COQ6: variants seen among roughly 807,000 people sequenced by gnomAD.
COQ6 encodes coenzyme Q6, monooxygenase, also known as ubiquinone biosynthesis monooxygenase COQ6, mitochondrial.
A neutral mutation model predicts 55.5 loss-of-function variants in COQ6; 45 were observed. The ratio of observed to expected loss-of-function variants is 0.81; its 90% CI spans 0.64 to 1.04. The LOEUF is 1.04. Ranked by LOEUF, COQ6 falls within the 50% of genes least tolerant of loss-of-function variation. The probability of loss-of-function intolerance (pLI) is 0.00; values close to 1 mark genes in which losing one functional copy is unlikely to be tolerated. For missense variants in COQ6, 550 were observed against 601.3 expected (o/e 0.91, Z 0.89); for synonymous variants, 206 against 230.5 (o/e 0.89, Z 0.96).
Position 73,950,480 on chromosome 14 carries a change from ATGGCCTGTGCCT to A in COQ6, c.152_163del (p.Ala51_Leu54del). 1 of 1,608,646 alleles carries A rather than the reference ATGGCCTGTGCCT, an allele frequency of 6.2e-7. No homozygotes were observed. Among genetic ancestry groups the A allele is most frequent in the Non-Finnish European group, 8.5e-7 (1 of 1,178,294 alleles). On this transcript the variant is annotated inframe_deletion, in exon 1 of 12. Transcript: ENST00000334571. ...GGGTGGAGGCCTGGTGGGCGCTGCC[ATGGCCTGTGCCT>A]TGGGTAAGCCCTTCTCCAGGCTACT...
At chr14:73,953,617 G>A in intron 2 of COQ6, 48 bp downstream of exon 2, 1 of 1,611,484 alleles carries the variant, frequency 6.2e-7, no homozygotes, top group Non-Finnish European at 8.5e-7. Flanking sequence ...TTCCCACTTA[G>A]CTTTCTAGTG....
chr14:73,954,103 A>G (rs1044202208), intron 2 of COQ6, among the ~76,000 whole-genome samples: 49 of 151,942 alleles, frequency 3.2e-4, no homozygotes, highest in African/African-American at 1.1e-3. Flanking sequence ...TCCCTGCTCT[A>G]TTTTTCTTCA....
chr14:73,956,702 T>A (rs1248566253), intron 4 of COQ6: 1 of 152,206 alleles, frequency 6.6e-6, no homozygotes, highest in Non-Finnish European at 1.5e-5. Context: ...GTTTTTAAAT[T>A]GGATTATTTG....
At position 73,959,477 on chromosome 14, in the gene COQ6, T is replaced by C. The variant is rs757494527; in HGVS notation, c.846T>C (p.Val282=). 2 of 1,614,204 alleles carry C rather than the reference T, an allele frequency of 1.2e-6. No individual in the cohort carries two copies. The highest frequency in any genetic ancestry group is 4.5e-5 in the East Asian group (2 of 44,888). Residue 282 remains valine (V), a synonymous_variant, in exon 8 of 12, where the codon GTT becomes GTC. Coordinates refer to ENST00000334571, the MANE Select transcript of COQ6 (RefSeq NM_182476.3). The part of the protein sequence containing the change: ...STSHEHAAEL[V]SMDEEKFVDA... ...CCCATGAACATGCAGCAGAGCTAGT[T>C]AGCATGGATGAGGAAAAATTTGTGG...
rs1193248763 is a variant in COQ6 at position 73,955,827 on chromosome 14, C to T, written c.380C>T (p.Ala127Val). 6.2e-7 allele frequency: 1 copy of T among 1,613,970 alleles called. No individual in the cohort carries two copies. Among genetic ancestry groups the T allele is most frequent in the Admixed American group, 1.7e-5 (1 of 59,988 alleles). The change falls in exon 4 of 12, where the codon GCC becomes GTC. Residue 127 changes from alanine (A) to valine (V), a missense_variant. Physicochemically the swap from Ala to Val is moderately conservative, Grantham distance 64. Coordinates refer to ENST00000334571, the MANE Select transcript of COQ6 (RefSeq NM_182476.3). ...CAGGTGTGGGACGCCTGCTCAGAGG[C>T]CCTGATAATGTTTGATAAGGATAAT... ...RMQVWDACSE[A>V]LIMFDKDNLD...
At position 73,962,778 on chromosome 14, in the gene COQ6, C is replaced by G. The variant is rs528224818; in HGVS notation, c.1378-192C>G. 5 of 611,982 alleles carry G rather than the reference C, an allele frequency of 8.2e-6. No individual in the cohort carries two copies. The South Asian group carries it at 1.0e-4, about 12-fold the overall frequency. 37.9% of individuals were successfully genotyped at this position (611,982 alleles called of 1,614,324 possible). A position where few individuals can be genotyped will look rare whatever the true frequency, so the allele number is the denominator to read the frequency against. On this transcript the variant is annotated intron_variant, in intron 11 of 11. Coordinates refer to ENST00000334571, the MANE Select transcript of COQ6 (RefSeq NM_182476.3). ...GCTGCAGTGAGCTATGATCACACCACTGCACTCCAGCCCAGTCAACAGAGT... is the reference window on the plus strand; with the variant it reads ...GCTGCAGTGAGCTATGATCACACCAGTGCACTCCAGCCCAGTCAACAGAGT...
intron 4 of COQ6, among the ~76,000 whole-genome samples, chr14:73,957,422 C>T (rs1223562269): frequency 6.6e-6 from 1 of 152,144 alleles, no homozygotes; most frequent in African/African-American, 2.4e-5. Context: ...GTATGACTGA[C>T]TGACATACAA....
chr14:73,961,711 G>C, intron 10 of COQ6, 26 bp from the exon 11 acceptor site: 1 of 1,613,832 alleles, frequency 6.2e-7, no homozygotes, highest in Admixed American at 1.7e-5. Context: ...TTGGATTAGG[G>C]ATTTAATCTT....
intron 5 of COQ6, chr14:73,958,701 T>C: frequency 7.3e-7 from 1 of 1,364,886 alleles, no homozygotes; most frequent in Non-Finnish European, 9.5e-7. Flanking sequence ...ACTTTCCTTA[T>C]TGCTCTCTAG....
Position 73,963,162 on chromosome 14 carries a change from T to A in COQ6, c.*163T>A. On this transcript the variant is annotated 3_prime_UTR_variant, in exon 12 of 12. Transcript: ENST00000334571. ...GGGCCTGTGGCACCCAAATAATGAA[T>A]GATAATTTGCTGTGAGGAGCGTATA... 1 of 717,636 alleles carries A rather than the reference T, an allele frequency of 1.4e-6. No homozygotes were observed. Among genetic ancestry groups the A allele is most frequent in the Non-Finnish European group, 2.5e-6 (1 of 401,112 alleles). 44.5% of individuals were successfully genotyped at this position (717,636 alleles called of 1,614,324 possible).
At chr14:73,960,522 T>C in intron 8 of COQ6, 1 of 996,392 alleles carries the variant, frequency 1.0e-6, no homozygotes, top group Non-Finnish European at 1.2e-6. Context: ...AGATAAATGG[T>C]GAACACTACC....
upstream of COQ6, chr14:73,950,049 C>T: frequency 6.2e-7 from 1 of 1,610,908 alleles, no homozygotes; most frequent in East Asian, 2.2e-5. Flanking sequence ...GAGGCAGCAG[C>T]GACAGTGACA....
chr14:73,958,413 C>T, intron 5 of COQ6, 136 bp downstream of exon 5: 1 of 1,521,876 alleles, frequency 6.6e-7, no homozygotes, highest in Non-Finnish European at 8.8e-7. Context: ...AGTACCTATT[C>T]AGGCCAGCTC....
At chr14:73,954,800 C>T (rs186880592) in intron 2 of COQ6, among the ~76,000 whole-genome samples, 94 of 140,412 alleles carry the variant, frequency 6.7e-4, no homozygotes, top group African/African-American at 2.4e-3. Flanking sequence ...GCCGAGATCC[C>T]GCCACTGCAC....
rs774856856 is a variant in COQ6 at position 73,953,513 on chromosome 14, A to C, written c.242A>C (p.Glu81Ala). The C allele has an allele frequency of 6.2e-7, 1 of 1,614,220 alleles. No homozygotes were observed. Among genetic ancestry groups the C allele is most frequent in the South Asian group, 1.1e-5 (1 of 91,090 alleles). ...AAGAAAGTACTGGAGAAATTGTCAGAAACTTACAGCAACAGGGTCAGCTCC... is the reference window on the plus strand; with the variant it reads ...AAGAAAGTACTGGAGAAATTGTCAGCAACTTACAGCAACAGGGTCAGCTCC... ...GPKKVLEKLS[E>A]TYSNRVSSIS... The change falls in exon 2 of 12, where the codon GAA becomes GCA. Residue 81 changes from glutamate to alanine, a missense_variant. By Grantham distance (107) the Glu-to-Ala change is moderately radical. Transcript: ENST00000334571.
At position 73,954,952 on chromosome 14, in the gene COQ6, T is replaced by TA. The variant is rs2056357393; in HGVS notation, c.299-499_299-498insA. 1.6e-5 allele frequency among the ~76,000 whole-genome samples: 2 copies of TA among 126,150 alleles called. 1 individual carries two copies. Among genetic ancestry groups the TA allele is most frequent in the Admixed American group, 1.7e-4 (2 of 11,796 alleles). 82.8% of individuals were successfully genotyped at this position (126,150 alleles called of 152,430 possible). A position where few individuals can be genotyped will look rare whatever the true frequency, so the allele number is the denominator to read the frequency against. Reference sequence around the variant, plus strand: ...AAGCTGAGTCTTTTTTTTTTTTATTTTATTTTTTTTTTTTTTTGAGACGGA... The same window carrying TA: ...AAGCTGAGTCTTTTTTTTTTTTATTTATATTTTTTTTTTTTTTTGAGACGGA... On this transcript the variant is annotated intron_variant, in intron 2 of 11. Coordinates refer to ENST00000334571, the MANE Select transcript of COQ6 (RefSeq NM_182476.3).
At chr14:73,953,669 G>A (rs1012673805) in intron 2 of COQ6, 100 bp downstream of exon 2, 3 of 1,500,456 alleles carry the variant, frequency 2.0e-6, no homozygotes, top group Non-Finnish European at 2.8e-6. Flanking sequence ...GACAAGGAGG[G>A]AGCTCACTGA....
Position 73,950,387 on chromosome 14 carries a change from G to C in COQ6, c.55G>C (p.Gly19Arg). ...GGCTGTGCGTGCAGCTCCCCACAGC[G>C]GCCCGCTGGTGTCCTGGCGCAGGTG... Reference protein sequence around the residue: ...CGAVRAAPHSGPLVSWRRWSG... With the variant: ...CGAVRAAPHSRPLVSWRRWSG... Residue 19 changes from glycine to arginine, a missense_variant, in exon 1 of 12, where the codon GGC (glycine) becomes CGC (arginine). Physicochemically the swap from Gly to Arg is moderately radical, Grantham distance 125. Coordinates refer to ENST00000334571, the MANE Select transcript of COQ6 (RefSeq NM_182476.3). The C allele has an allele frequency of 1.3e-6, 2 of 1,574,210 alleles. No individual in the cohort carries two copies. The highest frequency in any genetic ancestry group is 1.7e-6 in the Non-Finnish European group (2 of 1,160,694).
chr14:73,958,494 A>G, intron 5 of COQ6: 8 of 1,383,966 alleles, frequency 5.8e-6, no homozygotes, highest in Non-Finnish European at 7.5e-6. Context: ...TTGTGAAATA[A>G]CAGATAGCTG....
Sources: allele counts gnomAD v4.1 joint callset (sites outside exome capture counted in the v4.1 genomes callset), GRCh38; gene constraint gnomAD v4.1.1; transcripts MANE v1.5; gene names NCBI Gene and HGNC (gene_info 2026-07-23, HGNC 2026-07-21).